Variants in LIPF observed in about 807,000 individuals in gnomAD.
LIPF encodes lipase F, gastric type.
Under a neutral mutation model 38.0 loss-of-function variants are expected in LIPF, and 25 were observed. The ratio of observed to expected loss-of-function variants is 0.66; its 90% confidence interval spans 0.48 to 0.92. LIPF has a LOEUF of 0.92. Among genes scored for constraint, LIPF ranks in the 40% least tolerant of loss-of-function variants. The pLI is 0.00. For missense variants in LIPF, 410 were observed against 469.9 expected (o/e 0.87, Z 1.18); for synonymous variants, 161 against 156.2 (o/e 1.03, Z -0.23).
rs771102935 is a variant in LIPF at position 88,673,734 on chromosome 10, G to A, written c.816G>A (p.Thr272=). The A allele has an allele frequency of 8.7e-6, 14 of 1,605,152 alleles. No homozygotes were observed. The highest frequency in any genetic ancestry group is 3.3e-4 in the Middle Eastern group (2 of 6,008). The change falls in exon 7 of 10, where the codon ACG becomes ACA. Residue 272 remains threonine (T), a splice_region_variant and synonymous_variant. Transcript: ENST00000238983. The stretch of plus-strand genomic sequence containing the variant: ...GATTTGACAGTAAGAACTTTAACAC[G>A]GTTAGTATGCATTTCAATTTCTATA... ...ICGFDSKNFN[T]SRLDVYLSHN...
chr10:88,675,955 G>T (rs1841680066), intron 8 of LIPF, among the ~76,000 whole-genome samples: 1 of 152,048 alleles, frequency 6.6e-6, no homozygotes, highest in Non-Finnish European at 1.5e-5. Flanking sequence ...TTAGCATTAG[G>T]TATATCTCCT....
In LIPF at chr10:88,665,737, A is replaced by ATTTTTTTTT. The variant is rs68081693; in HGVS notation, c.-12+1262_-12+1270dup. 1.1e-3 allele frequency among the ~76,000 whole-genome samples: 115 copies of ATTTTTTTTT among 100,236 alleles called. 4 individuals carry two copies. The highest frequency in any genetic ancestry group is 3.6e-3 in the African/African-American group (97 of 27,126). 65.8% of individuals were successfully genotyped at this position (100,236 alleles called of 152,430 possible). A position where few individuals can be genotyped will look rare whatever the true frequency, so the allele number is the denominator to read the frequency against. On this transcript the variant is annotated intron_variant, in intron 1 of 9. Transcript: ENST00000238983. Reference sequence around the variant, plus strand: ...AAAAACAAGGCTTAGTTAAAAACTGATTTTTTTTTTTTTTTTTTTTTTTTG... The same window carrying ATTTTTTTTT: ...AAAAACAAGGCTTAGTTAAAAACTGATTTTTTTTTTTTTTTTTTTTTTTTTTTTTTTTTG...
In LIPF at chr10:88,678,690, T is replaced by C; in HGVS notation, c.*9T>C. 6.5e-7 allele frequency: 1 copy of C among 1,548,290 alleles called. No individual in the cohort carries two copies. The highest frequency in any genetic ancestry group is 8.9e-7 in the Non-Finnish European group (1 of 1,120,662). On this transcript the variant is annotated 3_prime_UTR_variant, in exon 10 of 10. Coordinates refer to ENST00000238983, the MANE Select transcript of LIPF (RefSeq NM_004190.4). ...CAGAAGATAAAAAGTAGTTCTGGAT[T>C]TAAAGAATTATCCGTTTGTTTTTCC... is the stretch of plus-strand genomic sequence containing the variant.
Position 88,668,774 on chromosome 10 carries a change from T to G in LIPF, c.422+18T>G. 1.9e-6 allele frequency: 3 copies of G among 1,606,076 alleles called. No homozygotes were observed. Among genetic ancestry groups the G allele is most frequent in the Non-Finnish European group, 1.7e-6 (2 of 1,173,546 alleles). Reference sequence around the variant, plus strand: ...GCTTTCAGGTAAACAAAAGGGACAATTAAAAATAAACACTGGGCTTTAAAA... The same window carrying G: ...GCTTTCAGGTAAACAAAAGGGACAAGTAAAAATAAACACTGGGCTTTAAAA... On this transcript the variant is annotated intron_variant, in intron 4 of 9. Transcript: ENST00000238983.
chr10:88,670,378 G>C (rs1841576390), intron 5 of LIPF, among the ~76,000 whole-genome samples: 1 of 152,192 alleles, frequency 6.6e-6, no homozygotes, highest in South Asian at 2.1e-4. Flanking sequence ...AGGTTAAAAA[G>C]TAAAATGTAA....
At chr10:88,667,507 T>C in intron 2 of LIPF, 62 bp from the exon 3 acceptor site, 1 of 1,071,920 alleles carries the variant, frequency 9.3e-7, no homozygotes, top group African/African-American at 1.6e-5. Context: ...AACAGTAATA[T>C]TCATTTATTA....
Position 88,675,640 on chromosome 10 carries a change from A to G in LIPF, c.871A>G (p.Met291Val). Residue 291 changes from methionine to valine, a missense_variant, in exon 8 of 10, where the codon ATG becomes GTG. Met to Val is a conservative substitution (Grantham distance 21). Transcript: ENST00000238983. ...HNPAGTSVQNMFHWTQAVKSG... is the reference protein window; with the variant it reads ...HNPAGTSVQNVFHWTQAVKSG... ...TCCAGCAGGAACTTCTGTTCAAAACATGTTCCATTGGACCCAGGTATTCTT... is the reference window on the plus strand; with the variant it reads ...TCCAGCAGGAACTTCTGTTCAAAACGTGTTCCATTGGACCCAGGTATTCTT... 1 of 1,611,604 alleles carries G rather than the reference A, an allele frequency of 6.2e-7. No homozygotes were observed. The highest frequency in any genetic ancestry group is 8.5e-7 in the Non-Finnish European group (1 of 1,177,822).
chr10:88,677,007 C>A (rs1468113200), intron 9 of LIPF, among the ~76,000 whole-genome samples: 1 of 152,048 alleles, frequency 6.6e-6, no homozygotes, highest in Admixed American at 6.6e-5. Context: ...AGGGAAGCAC[C>A]CTATAGTATT....
intron 9 of LIPF, among the ~76,000 whole-genome samples, chr10:88,677,085 TA>T (rs766669054): frequency 6.6e-6 from 1 of 152,244 alleles, no homozygotes; most frequent in Non-Finnish European, 1.5e-5. Flanking sequence ...TGAACAACTC[TA>T]CTAATTTTCA....
Position 88,678,506 on chromosome 10 carries a change from G to C in LIPF, c.1022G>C (p.Gly341Ala), listed in dbSNP as rs1841722803. The C allele has an allele frequency of 1.2e-6, 2 of 1,613,782 alleles. No individual in the cohort carries two copies. The highest frequency in any genetic ancestry group is 1.7e-6 in the Non-Finnish European group (2 of 1,179,928). Residue 341 changes from glycine to alanine, a missense_variant, in exon 10 of 10, where the codon GGC becomes GCC. By Grantham distance (60) the Gly-to-Ala change is moderately conservative. Coordinates refer to ENST00000238983, the MANE Select transcript of LIPF (RefSeq NM_004190.4). Reference sequence around the variant, plus strand: ...GTACCAATTGCAGTGTGGAACGGTGGCAAGGACCTGTTGGCTGACCCCCAA... The same window carrying C: ...GTACCAATTGCAGTGTGGAACGGTGCCAAGGACCTGTTGGCTGACCCCCAA... Reference protein sequence around the residue: ...MNVPIAVWNGGKDLLADPQDV... With the variant: ...MNVPIAVWNGAKDLLADPQDV...
Position 88,673,676 on chromosome 10 carries a change from T to C in LIPF, c.758T>C (p.Leu253Pro), listed in dbSNP as rs1190498627. 1 of 1,612,546 alleles carries C rather than the reference T, an allele frequency of 6.2e-7. No homozygotes were observed. The highest frequency in any genetic ancestry group is 8.5e-7 in the Non-Finnish European group (1 of 1,178,656). ...GTGTGCTCCCGTGAGATGCTGAATC[T>C]CCTTTGCAGCAATGCCTTATTTATA... ...TEVCSREMLNLLCSNALFIIC... is the reference protein window; with the variant it reads ...TEVCSREMLNPLCSNALFIIC... Residue 253 changes from leucine to proline, a missense_variant, in exon 7 of 10, where the codon CTC (leucine) becomes CCC (proline). Transcript: ENST00000238983.
At chr10:88,665,505 T>C (rs1841497437) in intron 1 of LIPF, 1 of 1,529,890 alleles carries the variant, frequency 6.5e-7, no homozygotes, top group Non-Finnish European at 8.8e-7. Context: ...TTTTGAGAAA[T>C]TTATTCTGCC....
intron 3 of LIPF, among the ~76,000 whole-genome samples, 198 bp downstream of exon 3, chr10:88,667,884 G>T (rs559542708): frequency 2.8e-4 from 42 of 152,164 alleles, no homozygotes; most frequent in South Asian, 2.7e-3. Context: ...AGTCTTCAAG[G>T]AGATCATCAT....
rs541913372 is a variant in LIPF, at chr10:88,668,542, A to T, written c.224-16A>T. On this transcript the variant is annotated splice_polypyrimidine_tract_variant and intron_variant, in intron 3 of 9. Coordinates refer to ENST00000238983, the MANE Select transcript of LIPF (RefSeq NM_004190.4). The stretch of plus-strand genomic sequence containing the variant: ...AGGAATACATTTATAAAGTTTATAA[A>T]CATTTTCTTCCTTAGGCCAGAGACC... 1 of 1,611,746 alleles carries T rather than the reference A, an allele frequency of 6.2e-7. No homozygotes were observed. The highest frequency in any genetic ancestry group is 2.2e-5 in the East Asian group (1 of 44,840).
chr10:88,678,613 T>A lies in LIPF; in HGVS notation c.1129T>A (p.Trp377Arg). 1 of 1,614,028 alleles carries A rather than the reference T, an allele frequency of 6.2e-7. No homozygotes were observed. Among genetic ancestry groups the A allele is most frequent in the Non-Finnish European group, 8.5e-7 (1 of 1,179,866 alleles). ...IPFYNHLDFI[W>R]AMDAPQEVYN... ...TTTTTACAATCACTTGGACTTTATC[T>A]GGGCAATGGATGCCCCTCAAGAAGT... Residue 377 changes from tryptophan to arginine, a missense_variant, in exon 10 of 10, where the codon TGG (tryptophan) becomes AGG (arginine). Transcript: ENST00000238983.
chr10:88,674,330 G>A (rs1044597063), intron 7 of LIPF, among the ~76,000 whole-genome samples: 2 of 152,088 alleles, frequency 1.3e-5, no homozygotes. Context: ...CACCACGCCC[G>A]GCTAATTTTT....
rs1480464908 is a variant in LIPF at position 88,667,368 on chromosome 10, T to G, written c.71T>G (p.Leu24Ter). The change falls in exon 2 of 10, where the codon TTA becomes TGA. Residue 24 changes from leucine (L) to a stop codon, truncating the protein, a stop_gained. Transcript: ENST00000238983. LOFTEE classifies it high-confidence loss of function. ...ACTACACATGGTTTGTTTGGAAAAT[T>G]ACATCCTGGAAGCCCTGAAGTGACT... ...LGTTHGLFGK[L>*]HPGSPEVTMN... 6.2e-7 allele frequency: 1 copy of G among 1,611,770 alleles called. No homozygotes were observed. The highest frequency in any genetic ancestry group is 1.3e-5 in the African/African-American group (1 of 74,996).
chr10:88,675,415 A>G (rs1841669909), intron 7 of LIPF, 171 bp from the exon 8 acceptor site: 1 of 580,772 alleles, frequency 1.7e-6, no homozygotes, highest in Admixed American at 3.3e-5. Context: ...AACACATGCA[A>G]TTGCACTTTG....
At chr10:88,667,247 T>C (rs771105090) in intron 1 of LIPF, 40 bp from the exon 2 acceptor site, 2 of 1,111,866 alleles carry the variant, frequency 1.8e-6, no homozygotes, top group African/African-American at 1.5e-5. Flanking sequence ...TATGAAAGTA[T>C]AATGGATTAA....
Sources: gnomAD v4.1 joint callset for allele counts (sites outside exome capture counted in the v4.1 genomes callset) on GRCh38, gnomAD v4.1.1 for gene constraint, MANE v1.5 for transcripts, NCBI Gene and HGNC (gene_info 2026-07-23, HGNC 2026-07-21) for gene names.